Variants in DYRK4 observed in about 807,000 individuals in gnomAD.
The protein encoded by DYRK4 is dual specificity tyrosine phosphorylation regulated kinase 4, also known as dual specificity tyrosine-phosphorylation-regulated kinase 4.
Under a neutral mutation model 68.3 loss-of-function variants are expected in DYRK4, and 64 were observed. The observed-to-expected ratio is 0.94, with a 90% CI of 0.77 to 1.15. The LOEUF (loss-of-function observed/expected upper bound fraction) is 1.15, where lower values mean the gene tolerates loss of function less well. Among genes scored for constraint, DYRK4 ranks in the 50% most tolerant of loss-of-function variants. The pLI is 0.00. For missense variants in DYRK4, 740 were observed against 764.7 expected (o/e 0.97, Z 0.38); for synonymous variants, 274 against 289.9 (o/e 0.95, Z 0.56).
chr12:4,599,280 T>TG, intron 9 of DYRK4, 114 bp downstream of exon 9: 10 of 1,145,522 alleles, frequency 8.7e-6, no homozygotes, highest in Admixed American at 5.6e-5. Flanking sequence ...CTTTTTTTTT[T>TG]TTTTTTTTTT....
chr12:4,575,541 C>G (rs560452099), intron 2 of DYRK4, among the ~76,000 whole-genome samples: 133 of 152,150 alleles, frequency 8.7e-4, no homozygotes, highest in African/African-American at 3.1e-3. Context: ...GATCTCCTGA[C>G]CTCGTGATCC....
intron 2 of DYRK4, among the ~76,000 whole-genome samples, chr12:4,577,372 G>A (rs1944800258): frequency 6.6e-6 from 1 of 152,156 alleles, no homozygotes; most frequent in African/African-American, 2.4e-5. Flanking sequence ...GCTGGGCTTA[G>A]TACTATTTGT....
intron 10 of DYRK4, chr12:4,603,219 G>T: frequency 9.3e-7 from 1 of 1,070,986 alleles, no homozygotes; most frequent in Middle Eastern, 2.0e-4. Context: ...GATTTGTCAG[G>T]ATCAGAAAGC....
intron 12 of DYRK4, among the ~76,000 whole-genome samples, chr12:4,609,370 A>G: frequency 6.6e-6 from 1 of 152,208 alleles, no homozygotes; most frequent in Non-Finnish European, 1.5e-5. Flanking sequence ...CCAGGATTCG[A>G]CGTTTTTAAT....
At chr12:4,602,558 A>G in intron 10 of DYRK4, 1 of 1,270,872 alleles carries the variant, frequency 7.9e-7, no homozygotes, top group Non-Finnish European at 1.1e-6. Context: ...ATATAAGCCA[A>G]CGGCTCTCCT....
intron 1 of DYRK4, 114 bp downstream of exon 1, chr12:4,562,397 A>G: frequency 7.6e-7 from 1 of 1,308,664 alleles, no homozygotes. Flanking sequence ...TGCAGAATGC[A>G]AGAGCTGACC....
intron 9 of DYRK4, 103 bp downstream of exon 9, chr12:4,599,269 A>ATTT: frequency 1.5e-6 from 1 of 647,108 alleles, no homozygotes; most frequent in South Asian, 2.9e-5. Context: ...ATTGCCTTTG[A>ATTT]CTTTTTTTTT....
At chr12:4,580,360 G>A (rs1944829510) in intron 2 of DYRK4, among the ~76,000 whole-genome samples, 1 of 152,184 alleles carries the variant, frequency 6.6e-6, no homozygotes, top group African/African-American at 2.4e-5. Context: ...TGTGGCTGTT[G>A]GTGTGATTTG....
At chr12:4,573,202 C>A in intron 2 of DYRK4, 1 of 713,990 alleles carries the variant, frequency 1.4e-6, no homozygotes, top group Non-Finnish European at 2.0e-6. Flanking sequence ...AAAATATAAT[C>A]GTAAGCAGCC....
At chr12:4,609,383 C>T (rs926721691) in intron 12 of DYRK4, among the ~76,000 whole-genome samples, 29 of 152,284 alleles carry the variant, frequency 1.9e-4, no homozygotes, top group African/African-American at 6.0e-4. Flanking sequence ...TTTTTAATGA[C>T]GGCTCCTTGT....
intron 10 of DYRK4, chr12:4,603,566 T>C (rs1945105802): frequency 5.2e-6 from 1 of 192,040 alleles, no homozygotes; most frequent in South Asian, 1.3e-4. Flanking sequence ...TCTAAGCTCT[T>C]CACATCGAGG....
intron 8 of DYRK4, among the ~76,000 whole-genome samples, chr12:4,598,435 C>T (rs73039855): frequency 2.3e-4 from 35 of 152,332 alleles, no homozygotes; most frequent in African/African-American, 3.4e-4. Flanking sequence ...TTCTAACATT[C>T]GTAAGTCTGT....
intron 2 of DYRK4, among the ~76,000 whole-genome samples, chr12:4,570,834 C>T (rs1228273113): frequency 6.6e-6 from 1 of 152,124 alleles, no homozygotes; most frequent in East Asian, 1.9e-4. Flanking sequence ...AATAGTGTGG[C>T]GCTCTCTCTA....
intron 2 of DYRK4, among the ~76,000 whole-genome samples, chr12:4,587,457 T>C (rs1255807492): frequency 1.3e-5 from 2 of 152,236 alleles, no homozygotes; most frequent in Non-Finnish European, 2.9e-5. Flanking sequence ...ATTCTGTTAA[T>C]GTACCTTTCA....
Position 4,591,350 on chromosome 12 carries a change from G to T in DYRK4, c.463+52G>T, listed in dbSNP as rs940296590. 1 of 1,600,080 alleles carries T rather than the reference G, an allele frequency of 6.2e-7. No individual in the cohort carries two copies. Among genetic ancestry groups the T allele is most frequent in the Non-Finnish European group, 8.5e-7 (1 of 1,174,240 alleles). ...GGGGAGGTGCTTATGGAAGGTCGGG[G>T]TGTTAAGAGCTAAGCTGCGCTGGAG... is the stretch of plus-strand genomic sequence containing the variant. On this transcript the variant is annotated intron_variant, in intron 5 of 14. Transcript: ENST00000543431. The surrounding 1 kb of genome is among the most constrained non-coding windows in gnomAD (Gnocchi z 4.1).
At chr12:4,602,701 G>C in intron 10 of DYRK4, 2 of 1,464,212 alleles carry the variant, frequency 1.4e-6, no homozygotes, top group Non-Finnish European at 1.9e-6. Context: ...ATTAATGGGA[G>C]GCAAATACCC....
chr12:4,564,534 T>C (rs1167800503), intron 1 of DYRK4: 1 of 152,156 alleles, frequency 6.6e-6, no homozygotes, highest in Admixed American at 6.5e-5. Flanking sequence ...TTCTGGATAT[T>C]GAAGTACTCT....
At chr12:4,604,316 A>G (rs1591805658) in intron 10 of DYRK4, among the ~76,000 whole-genome samples, 1 of 152,220 alleles carries the variant, frequency 6.6e-6, no homozygotes, top group East Asian at 1.9e-4. Flanking sequence ...ACAATAACCA[A>G]TTTAAACAAC....
intron 2 of DYRK4, chr12:4,573,342 T>C: frequency 7.8e-7 from 1 of 1,288,012 alleles, no homozygotes; most frequent in Non-Finnish European, 1.0e-6. Flanking sequence ...CCCCACTCTT[T>C]CTGAGATCTA....
Sources: gnomAD v4.1 joint callset for allele counts (sites outside exome capture counted in the v4.1 genomes callset) on GRCh38, gnomAD v4.1.1 for gene constraint, Gnocchi (gnomAD v3.1) non-coding constraint, MANE v1.5 for transcripts, NCBI Gene and HGNC (gene_info 2026-07-23, HGNC 2026-07-21) for gene names.